Variants in CDC42BPB observed in about 807,000 individuals in gnomAD.
The protein encoded by CDC42BPB is serine/threonine-protein kinase MRCK beta.
In CDC42BPB, 37 loss-of-function variants were observed where a neutral mutation model predicts 214.9. The observed-to-expected ratio is 0.17, with a 90% CI of 0.13 to 0.23. The LOEUF (loss-of-function observed/expected upper bound fraction) is 0.23, where lower values mean the gene tolerates loss of function less well. Among genes scored for constraint, CDC42BPB ranks in the 10% least tolerant of loss-of-function variants. The pLI is 1.00. For missense variants in CDC42BPB, 1,694 were observed against 2,227.0 expected (o/e 0.76, Z 4.82); for synonymous variants, 931 against 884.0 (o/e 1.05, Z -0.94).
chr14:102,966,216 C>A (rs1893194127), intron 18 of CDC42BPB, 66 bp downstream of exon 18: 1 of 1,211,560 alleles, frequency 8.3e-7, no homozygotes, highest in South Asian at 1.2e-5. Context: ...TTATATGTCA[C>A]ATTTATACTT....
chr14:102,968,771 C>G, intron 14 of CDC42BPB, 55 bp from the exon 15 acceptor site: 1 of 1,596,316 alleles, frequency 6.3e-7, no homozygotes, highest in Non-Finnish European at 8.5e-7. Context: ...AAGGGTCACA[C>G]TGTCCTTTCA....
chr14:103,023,296 T>G (rs1331874666), intron 1 of CDC42BPB, among the ~76,000 whole-genome samples: 1 of 151,764 alleles, frequency 6.6e-6, no homozygotes, highest in Non-Finnish European at 1.5e-5. Context: ...GCCTCCCGAG[T>G]AGCTGGGATT....
chr14:102,968,678 C>G lies in CDC42BPB; in HGVS notation c.2034G>C (p.Glu678Asp). ...TGATTTTGGAAATCTCTTGCTGGTG[C>G]TCTAAGGTGGCACCCGCTCCCCGGC... is the stretch of plus-strand genomic sequence containing the variant. The part of the protein sequence containing the change: ...QGGRGAGATL[E>D]HQQEISKIKS... The change falls in exon 15 of 37, where the codon GAG becomes GAC. Residue 678 changes from glutamate to aspartate, a missense_variant. Coordinates refer to ENST00000361246, the MANE Select transcript of CDC42BPB (RefSeq NM_006035.4). The G allele has an allele frequency of 6.2e-7, 1 of 1,614,184 alleles. No homozygotes were observed. The highest frequency in any genetic ancestry group is 8.5e-7 in the Non-Finnish European group (1 of 1,180,040).
At chr14:103,009,719 C>A (rs1566900712) in intron 2 of CDC42BPB, among the ~76,000 whole-genome samples, 1 of 152,236 alleles carries the variant, frequency 6.6e-6, no homozygotes, top group Non-Finnish European at 1.5e-5. Flanking sequence ...TCTGGAAAGT[C>A]CTGCCATGGC....
At chr14:102,946,377 T>C in intron 28 of CDC42BPB, 91 bp downstream of exon 28, 1 of 1,396,432 alleles carries the variant, frequency 7.2e-7, no homozygotes, top group Non-Finnish European at 9.9e-7. Context: ...AATGGACCTG[T>C]GACCTTCATC....
chr14:102,999,367 G>C (rs796199959), intron 5 of CDC42BPB, among the ~76,000 whole-genome samples, 198 bp downstream of exon 5: 12 of 152,244 alleles, frequency 7.9e-5, no homozygotes, highest in African/African-American at 2.6e-4. Flanking sequence ...CATGACAACT[G>C]CAACAATGAG....
intron 4 of CDC42BPB, among the ~76,000 whole-genome samples, chr14:103,003,219 A>G (rs1895070786): frequency 6.6e-6 from 1 of 152,184 alleles, no homozygotes; most frequent in South Asian, 2.1e-4. Context: ...AGCAGTGGAC[A>G]CTTTCAGGTT....
chr14:103,037,388 G>A (rs1887722828), intron 1 of CDC42BPB, among the ~76,000 whole-genome samples: 1 of 152,046 alleles, frequency 6.6e-6, no homozygotes, highest in Admixed American at 6.6e-5. Context: ...GACCTCCCCA[G>A]GCTCAAGCAA....
At chr14:102,999,861 C>T (rs990414621) in intron 4 of CDC42BPB, 148 bp from the exon 5 acceptor site, 34 of 1,462,006 alleles carry the variant, frequency 2.3e-5, no homozygotes, top group Non-Finnish European at 2.9e-5. Flanking sequence ...CAAGACCCTC[C>T]TTCTGGAACA....
At chr14:103,036,054 G>A (rs1887644614) in intron 1 of CDC42BPB, among the ~76,000 whole-genome samples, 1 of 152,142 alleles carries the variant, frequency 6.6e-6, no homozygotes, top group East Asian at 1.9e-4. Flanking sequence ...GGGATGCTGA[G>A]GTGGAAGGAT....
Position 102,968,528 on chromosome 14 carries a change from G to C in CDC42BPB, c.2184C>G (p.Ala728=), listed in dbSNP as rs1312968134. ...EVHDSESHQL[A]LQKEILMLKD... ...TTAACATCAAGATTTCTTTCTGCAGGGCCAGCTGGTGGCTTTCTGAATCAT... is the reference window on the plus strand; with the variant it reads ...TTAACATCAAGATTTCTTTCTGCAGCGCCAGCTGGTGGCTTTCTGAATCAT... Residue 728 remains alanine (A), a synonymous_variant, in exon 15 of 37, where the codon GCC becomes GCG. Coordinates refer to ENST00000361246, the MANE Select transcript of CDC42BPB (RefSeq NM_006035.4). 1.2e-6 allele frequency: 2 copies of C among 1,613,972 alleles called. No individual in the cohort carries two copies. The highest frequency in any genetic ancestry group is 1.3e-5 in the African/African-American group (1 of 74,950).
intron 20 of CDC42BPB, among the ~76,000 whole-genome samples, chr14:102,960,440 G>T (rs965765149): frequency 6.6e-6 from 1 of 151,658 alleles, no homozygotes; most frequent in African/African-American, 2.4e-5. Context: ...AACACAGAGA[G>T]ACCCCATCTC....
chr14:102,967,154 T>G lies in CDC42BPB; in HGVS notation c.2363A>C (p.Asp788Ala). 6.2e-7 allele frequency: 1 copy of G among 1,614,064 alleles called. No homozygotes were observed. Among genetic ancestry groups the G allele is most frequent in the South Asian group, 1.1e-5 (1 of 91,076 alleles). Residue 788 changes from aspartate (D) to alanine (A), a missense_variant, in exon 17 of 37, where the codon GAT becomes GCT. Coordinates refer to ENST00000361246, the MANE Select transcript of CDC42BPB (RefSeq NM_006035.4). Reference sequence around the variant, plus strand: ...CTGTCTATTTTGAGCTGTGAGTTTATCCACAAAGGAACAGAGCTGAAATGA... The same window carrying G: ...CTGTCTATTTTGAGCTGTGAGTTTAGCCACAAAGGAACAGAGCTGAAATGA... ...AENEKLCSFV[D>A]KLTAQNRQLE... is the part of the protein sequence containing the mutation.
intron 2 of CDC42BPB, among the ~76,000 whole-genome samples, chr14:103,009,645 A>C (rs926158950): frequency 2.0e-5 from 3 of 152,224 alleles, no homozygotes; most frequent in African/African-American, 7.2e-5. Context: ...TTTCTCTCTC[A>C]TTCCTTCATT....
intron 1 of CDC42BPB, among the ~76,000 whole-genome samples, chr14:103,036,454 C>T (rs116227108): frequency 0.027 from 4,064 of 152,080 alleles, 168 homozygotes; most frequent in African/African-American, 0.092. Context: ...CGCGCCCAGC[C>T]TAAAATATTC....
chr14:103,055,629 G>A (rs1888906307), intron 1 of CDC42BPB, among the ~76,000 whole-genome samples: 1 of 152,246 alleles, frequency 6.6e-6, no homozygotes, highest in Non-Finnish European at 1.5e-5. Flanking sequence ...ATCACAGGCT[G>A]TCCTTGATCT....
intron 18 of CDC42BPB, 66 bp downstream of exon 18, chr14:102,966,216 C>T: frequency 8.3e-7 from 1 of 1,211,562 alleles, no homozygotes; most frequent in Non-Finnish European, 1.2e-6. Flanking sequence ...TTATATGTCA[C>T]ATTTATACTT....
intron 5 of CDC42BPB, among the ~76,000 whole-genome samples, chr14:102,994,176 G>C (rs1400615008): frequency 1.3e-5 from 2 of 152,100 alleles, no homozygotes; most frequent in Non-Finnish European, 2.9e-5. Context: ...CTGGTTGCCA[G>C]GAATTCCCTA....
At chr14:102,965,388 TAAA>T (rs765936398) in intron 18 of CDC42BPB, among the ~76,000 whole-genome samples, 7 of 115,272 alleles carry the variant, frequency 6.1e-5, no homozygotes, top group Admixed American at 1.9e-4. Flanking sequence ...TACCTGTGAT[TAAA>T]AAAAAAAAAA....
Sources: allele counts gnomAD v4.1 joint callset (sites outside exome capture counted in the v4.1 genomes callset), GRCh38; gene constraint gnomAD v4.1.1; transcripts MANE v1.5; gene names NCBI Gene and HGNC (gene_info 2026-07-23, HGNC 2026-07-21).